Variants in KCTD16 observed in about 807,000 individuals in gnomAD.
KCTD16 encodes the protein BTB/POZ domain-containing protein KCTD16.
Under a neutral mutation model 33.2 loss-of-function variants are expected in KCTD16, and 13 were observed. The observed-to-expected ratio is 0.39, with a 90% CI of 0.25 to 0.62. The LOEUF is 0.62. Among genes scored for constraint, KCTD16 ranks in the 20% least tolerant of loss-of-function variants. The pLI is 0.50. For synonymous variants in KCTD16, 197 were observed against 195.3 expected, an observed-to-expected ratio of 1.01 and a Z score of -0.07; for missense variants, 441 against 525.1, an observed-to-expected ratio of 0.84 and a Z score of 1.57.
chr5:144,233,802 C>T (rs549561533), intron 3 of KCTD16, among the ~76,000 whole-genome samples: 1 of 152,244 alleles, frequency 6.6e-6, no homozygotes, highest in East Asian at 1.9e-4. Context: ...TGAATTGTGC[C>T]AACTGGTTTT....
chr5:144,218,076 G>A (rs1753620177), intron 3 of KCTD16, among the ~76,000 whole-genome samples: 1 of 152,140 alleles, frequency 6.6e-6, no homozygotes, highest in Admixed American at 6.5e-5. Context: ...ATGCAGTGGT[G>A]GGCTTTTATA....
chr5:144,407,695 G>A (rs1580938631), intron 3 of KCTD16, among the ~76,000 whole-genome samples: 1 of 151,836 alleles, frequency 6.6e-6, no homozygotes, highest in East Asian at 1.9e-4. Flanking sequence ...CCCTCTCCTT[G>A]CCTCCCACCC....
intron 3 of KCTD16, among the ~76,000 whole-genome samples, chr5:144,322,023 C>A (rs1021391855): frequency 6.6e-6 from 1 of 151,824 alleles, no homozygotes; most frequent in African/African-American, 2.4e-5. Context: ...AAAGTATTTG[C>A]TAATACAGAT....
At chr5:144,436,527 C>T (rs574754551) in intron 3 of KCTD16, among the ~76,000 whole-genome samples, 1 of 151,976 alleles carries the variant, frequency 6.6e-6, no homozygotes, top group African/African-American at 2.4e-5. Context: ...CCTACTAGGC[C>T]TGTGTCCACA....
chr5:144,415,392 G>C (rs1229337691), intron 3 of KCTD16, among the ~76,000 whole-genome samples: 2 of 152,100 alleles, frequency 1.3e-5, no homozygotes, highest in Non-Finnish European at 2.9e-5. Flanking sequence ...CCGAGGATGA[G>C]GTCATTGTGG....
chr5:144,358,284 C>T (rs1580899088), intron 3 of KCTD16, among the ~76,000 whole-genome samples: 2 of 152,064 alleles, frequency 1.3e-5, no homozygotes, highest in East Asian at 3.9e-4. Context: ...TGAAGACCAA[C>T]TAAAATGGAA....
chr5:144,470,551 A>G (rs1438563011), intron 3 of KCTD16, among the ~76,000 whole-genome samples: 1 of 152,178 alleles, frequency 6.6e-6, no homozygotes, highest in Non-Finnish European at 1.5e-5. Flanking sequence ...TTCAGAAGCC[A>G]TCTCATAAAT....
chr5:144,227,122 A>G (rs1432373188), intron 3 of KCTD16, among the ~76,000 whole-genome samples: 1 of 152,242 alleles, frequency 6.6e-6, no homozygotes, highest in Non-Finnish European at 1.5e-5. Flanking sequence ...TGGATAATAA[A>G]CAGCATAAAT....
chr5:144,426,359 A>G (rs1013139826), intron 3 of KCTD16, among the ~76,000 whole-genome samples: 6 of 152,090 alleles, frequency 3.9e-5, no homozygotes, highest in African/African-American at 1.2e-4. Flanking sequence ...TACTTAAGTA[A>G]TCTCTAAAAA....
In KCTD16 at chr5:144,206,807, C is replaced by T. The variant is rs766383883; in HGVS notation, c.93C>T (p.Val31=). 3.1e-6 allele frequency: 5 copies of T among 1,614,092 alleles called. No homozygotes were observed. The highest frequency in any genetic ancestry group is 3.4e-6 in the Non-Finnish European group (4 of 1,180,006). Residue 31 remains valine (V), a synonymous_variant, in exon 3 of 4, where the codon GTC becomes GTT. Transcript: ENST00000512467. ...TCCCTGAGGTGGTAGAGCTGAATGT[C>T]GGGGGTCAAGTTTATTTTACTCGCC... The part of the protein sequence containing the change: ...NSFPEVVELN[V]GGQVYFTRHS...
chr5:144,455,486 A>G (rs1754041068), intron 3 of KCTD16, among the ~76,000 whole-genome samples: 1 of 152,196 alleles, frequency 6.6e-6, no homozygotes, highest in South Asian at 2.1e-4. Flanking sequence ...GAAAAGTCAA[A>G]GAAGAAAGTT....
Position 144,477,883 on chromosome 5 carries a change from A to ATC in KCTD16, c.*3769_*3770insTC, listed in dbSNP as rs1366894032. 2 of 151,974 alleles carry ATC rather than the reference A, an allele frequency of 1.3e-5. No homozygotes were observed. Among genetic ancestry groups the ATC allele is most frequent in the Admixed American group, 1.3e-4 (2 of 15,242 alleles). 9.4% of individuals were successfully genotyped at this position (151,974 alleles called of 1,614,324 possible). A position where few individuals can be genotyped will look rare whatever the true frequency, so the allele number is the denominator to read the frequency against. Reference sequence around the variant, plus strand: ...TGGTCTTCTAGATGATCTTTACTAGAATTAATAATACTCTTTCTGTGAACT... The same window carrying ATC: ...TGGTCTTCTAGATGATCTTTACTAGATCATTAATAATACTCTTTCTGTGAACT... On this transcript the variant is annotated 3_prime_UTR_variant, in exon 4 of 4. Transcript: ENST00000512467.
At position 144,207,214 on chromosome 5, in the gene KCTD16, C is replaced by A; in HGVS notation, c.500C>A (p.Thr167Asn). The A allele has an allele frequency of 6.2e-7, 1 of 1,613,798 alleles. No homozygotes were observed. Among genetic ancestry groups the A allele is most frequent in the Non-Finnish European group, 8.5e-7 (1 of 1,179,826 alleles). ...GCCGACCGCAAGTGGGGTTTCATTA[C>A]TGTGGGTTACAGAGGATCCTGCACC... ...LPADRKWGFITVGYRGSCTLG... is the reference protein window; with the variant it reads ...LPADRKWGFINVGYRGSCTLG... The change falls in exon 3 of 4, where the codon ACT (threonine) becomes AAT (asparagine). Residue 167 changes from threonine (T) to asparagine (N), a missense_variant. Around this residue, in one of 3 missense-constraint regions of KCTD16, gnomAD observed 355 missense variants for 413.0 expected, o/e 0.86. Transcript: ENST00000512467.
At chr5:144,283,914 A>G (rs906814693) in intron 3 of KCTD16, among the ~76,000 whole-genome samples, 1 of 152,208 alleles carries the variant, frequency 6.6e-6, no homozygotes, top group Non-Finnish European at 1.5e-5. Flanking sequence ...GGTGTAAGCT[A>G]AAAAGGAACT....
intron 3 of KCTD16, among the ~76,000 whole-genome samples, chr5:144,239,108 A>G (rs1310330744): frequency 3.3e-5 from 5 of 152,152 alleles, no homozygotes; most frequent in African/African-American, 7.2e-5. Flanking sequence ...TCTAGACCTC[A>G]GTTGTCTTAT....
intron 3 of KCTD16, among the ~76,000 whole-genome samples, chr5:144,276,002 T>A (rs558066137): frequency 7.9e-5 from 12 of 152,302 alleles, no homozygotes; most frequent in Admixed American, 2.0e-4. Flanking sequence ...CCAGGAAAAT[T>A]TTCTGATGAA....
intron 3 of KCTD16, among the ~76,000 whole-genome samples, chr5:144,445,235 T>C (rs1753795299): frequency 1.3e-5 from 2 of 152,048 alleles, no homozygotes; most frequent in Admixed American, 1.3e-4. Context: ...TTAGTCTTCA[T>C]TTCTTAAATT....
chr5:144,245,398 A>G (rs1009810091), intron 3 of KCTD16, among the ~76,000 whole-genome samples: 3 of 152,264 alleles, frequency 2.0e-5, no homozygotes, highest in African/African-American at 7.2e-5. Flanking sequence ...TGCGACTTTA[A>G]GTATAGGAGT....
intron 3 of KCTD16, among the ~76,000 whole-genome samples, chr5:144,220,517 T>C (rs1188246462): frequency 1.3e-5 from 2 of 152,170 alleles, no homozygotes; most frequent in East Asian, 1.9e-4. Flanking sequence ...ATTATAATAA[T>C]AGAATTTCCT....
Sources: gnomAD v4.1 joint callset for allele counts (sites outside exome capture counted in the v4.1 genomes callset) on GRCh38, gnomAD v4.1.1 for gene constraint, gnomAD v4.1.1 regional missense constraint, MANE v1.5 for transcripts, NCBI Gene and HGNC (gene_info 2026-07-23, HGNC 2026-07-21) for gene names.